Variants in ABCC3 observed in about 807,000 individuals in gnomAD.
ABCC3 encodes ATP-binding cassette sub-family C member 3.
ABCC3 carries 121 observed loss-of-function variants against 165.3 expected under a neutral mutation model. That is an observed-to-expected ratio of 0.73 (90% CI 0.63 to 0.85). The LOEUF is 0.85. Ranked by LOEUF, ABCC3 falls within the 40% of genes least tolerant of loss-of-function variation. The probability of loss-of-function intolerance (pLI) is 0.00; values close to 1 mark genes in which losing one functional copy is unlikely to be tolerated. For synonymous variants in ABCC3, 733 were observed against 810.1 expected (o/e 0.90, Z 1.62); for missense variants, 1,869 against 1,964.1 (o/e 0.95, Z 0.92).
chr17:50,685,737 T>C (rs1488670014), intron 29 of ABCC3, among the ~76,000 whole-genome samples: 2 of 152,166 alleles, frequency 1.3e-5, no homozygotes, highest in Non-Finnish European at 2.9e-5. Flanking sequence ...GACAGAGCAG[T>C]GTTAGGGTCA....
chr17:50,689,607 T>C (rs761562693), intron 30 of ABCC3, among the ~76,000 whole-genome samples: 1 of 152,154 alleles, frequency 6.6e-6, no homozygotes, highest in Non-Finnish European at 1.5e-5. Flanking sequence ...GACAGGGCAA[T>C]GGGTCAGACC....
At chr17:50,687,313 T>C in intron 29 of ABCC3, 1 of 505,896 alleles carries the variant, frequency 2.0e-6, no homozygotes, top group Non-Finnish European at 3.5e-6. Flanking sequence ...AGACCAGGGA[T>C]TTCACAATGC....
chr17:50,638,041 C>T (rs2054195483), intron 1 of ABCC3, among the ~76,000 whole-genome samples: 1 of 152,246 alleles, frequency 6.6e-6, no homozygotes, highest in South Asian at 2.1e-4. Flanking sequence ...CTCTCTCTCA[C>T]CCATATCGAC....
Position 50,667,954 on chromosome 17 carries a change from ATATCT to A in ABCC3, c.1730_1734del (p.Ile577LysfsTer34), listed in dbSNP as rs1477644906. On this transcript the variant is annotated frameshift_variant, in exon 13 of 31. Coordinates refer to ENST00000285238, the MANE Select transcript of ABCC3 (RefSeq NM_003786.4). LOFTEE classifies it high-confidence loss of function. ...GCCTTTGTGTCTGTGTCCTTGTTTA[ATATCT>A]TAAGACTTCCCCTCAACATGCTGCC... The A allele has an allele frequency of 3.1e-6, 5 of 1,614,162 alleles. No homozygotes were observed. The highest frequency in any genetic ancestry group is 4.2e-6 in the Non-Finnish European group (5 of 1,180,022).
Position 50,667,971 on chromosome 17 carries a change from C to T in ABCC3, c.1744C>T (p.Leu582Phe). The T allele has an allele frequency of 2.5e-6, 4 of 1,614,206 alleles. No individual in the cohort carries two copies. Among genetic ancestry groups the T allele is most frequent in the Non-Finnish European group, 3.4e-6 (4 of 1,180,032 alleles). Reference sequence around the variant, plus strand: ...CTTGTTTAATATCTTAAGACTTCCCCTCAACATGCTGCCCCAGTTAATCAG... The same window carrying T: ...CTTGTTTAATATCTTAAGACTTCCCTTCAACATGCTGCCCCAGTTAATCAG... ...VSLFNILRLPLNMLPQLISNL... is the reference protein window; with the variant it reads ...VSLFNILRLPFNMLPQLISNL... Residue 582 changes from leucine (L) to phenylalanine (F), a missense_variant, in exon 13 of 31, where the codon CTC (leucine) becomes TTC (phenylalanine). Coordinates refer to ENST00000285238, the MANE Select transcript of ABCC3 (RefSeq NM_003786.4).
At chr17:50,689,225 G>A (rs912210512) in intron 30 of ABCC3, among the ~76,000 whole-genome samples, 4 of 152,218 alleles carry the variant, frequency 2.6e-5, no homozygotes, top group African/African-American at 9.6e-5. Context: ...TTAAACTGCA[G>A]GTGATCCTGG....
Position 50,658,064 on chromosome 17 carries a change from C to T in ABCC3, c.487-18C>T. ...GGCTTTTCCAGTGCTTCTGACGCCCCTCCACTCTCCCACCCAGGGTGAGAT... is the reference window on the plus strand; with the variant it reads ...GGCTTTTCCAGTGCTTCTGACGCCCTTCCACTCTCCCACCCAGGGTGAGAT... On this transcript the variant is annotated intron_variant, in intron 4 of 30. Transcript: ENST00000285238. The T allele has an allele frequency of 1.9e-6, 3 of 1,614,014 alleles. No individual in the cohort carries two copies. The highest frequency in any genetic ancestry group is 2.2e-5 in the South Asian group (2 of 91,074).
chr17:50,635,679 C>A, intron 1 of ABCC3: 1 of 684,842 alleles, frequency 1.5e-6, no homozygotes, highest in Admixed American at 2.1e-5. Flanking sequence ...GAGGAAGGGA[C>A]TTGCCCAAAG....
intron 1 of ABCC3, among the ~76,000 whole-genome samples, chr17:50,644,683 G>C (rs2146591582): frequency 6.6e-6 from 1 of 152,222 alleles, no homozygotes; most frequent in Non-Finnish European, 1.5e-5. Flanking sequence ...CTGCACTCCA[G>C]CCGAGGTGAC....
rs773586596 is a variant in ABCC3, at chr17:50,667,582, G to T, written c.1460G>T (p.Arg487Leu). ...AAGCAAATGAAATTGAAGGACTCGCGCATCAAGCTGATGAGTGAGATCCTG... is the reference window on the plus strand; with the variant it reads ...AAGCAAATGAAATTGAAGGACTCGCTCATCAAGCTGATGAGTGAGATCCTG... Reference protein sequence around the residue: ...QVKQMKLKDSRIKLMSEILNG... With the variant: ...QVKQMKLKDSLIKLMSEILNG... Residue 487 changes from arginine to leucine, a missense_variant, in exon 12 of 31, where the codon CGC (arginine) becomes CTC (leucine). Arg to Leu is a moderately radical substitution (Grantham distance 102). Transcript: ENST00000285238. 5.6e-6 allele frequency: 9 copies of T among 1,611,154 alleles called. No individual in the cohort carries two copies. The highest frequency in any genetic ancestry group is 7.6e-6 in the Non-Finnish European group (9 of 1,177,502).
chr17:50,640,774 C>T (rs768336545), intron 1 of ABCC3, among the ~76,000 whole-genome samples: 3 of 152,196 alleles, frequency 2.0e-5, no homozygotes, highest in Non-Finnish European at 4.4e-5. Context: ...CCACCCTCCT[C>T]GGCCTCCCAA....
chr17:50,659,124 G>GGGAGACCCTCCTTTCT (rs887208321), intron 6 of ABCC3, 113 bp from the exon 7 acceptor site: 71 of 1,328,246 alleles, frequency 5.3e-5, no homozygotes, highest in Non-Finnish European at 6.9e-5. Flanking sequence ...CAGTGCCCGA[G>GGGAGACCCTCCTTTCT]GGAGACCCTC....
At chr17:50,641,227 C>T (rs140081563) in intron 1 of ABCC3, among the ~76,000 whole-genome samples, 78 of 152,336 alleles carry the variant, frequency 5.1e-4, no homozygotes, top group African/African-American at 1.9e-3. Context: ...CCTTATCAGC[C>T]CCATCCAGCT....
Position 50,668,025 on chromosome 17 carries a change from G to T in ABCC3, c.1782+16G>T, listed in dbSNP as rs774171842. 12 of 1,609,976 alleles carry T rather than the reference G, an allele frequency of 7.5e-6. No individual in the cohort carries two copies. The Admixed American group carries it at 2.0e-4, about 27-fold the overall frequency. The stretch of plus-strand genomic sequence containing the variant: ...CCTGACTCAGGTAACCCTGGGTAGG[G>T]CTGGGGGCTCTACTGGAGTTGGAAC... On this transcript the variant is annotated intron_variant, in intron 13 of 30. Transcript: ENST00000285238.
In ABCC3 at chr17:50,674,902, C is replaced by T. The variant is rs150774635; in HGVS notation, c.2600-460C>T. ...GCAACCTTTGCCTCCTGGGTTCAAG[C>T]GATTCTCCTGCCTCAGCCTCCCGAG... is the stretch of plus-strand genomic sequence containing the variant. On this transcript the variant is annotated intron_variant, in intron 19 of 30. Coordinates refer to ENST00000285238, the MANE Select transcript of ABCC3 (RefSeq NM_003786.4). 2.8e-3 allele frequency among the ~76,000 whole-genome samples: 426 copies of T among 150,886 alleles called. 3 individuals carry two copies. The highest frequency in any genetic ancestry group is 5.1e-3 in the Non-Finnish European group (346 of 67,822).
At chr17:50,650,657 C>T (rs1318251575) in intron 1 of ABCC3, among the ~76,000 whole-genome samples, 1 of 152,140 alleles carries the variant, frequency 6.6e-6, no homozygotes, top group African/African-American at 2.4e-5. Context: ...TTTTCCTTAG[C>T]TTCCTTTGTA....
chr17:50,679,765 T>C (rs1397027837), intron 25 of ABCC3, 33 bp from the exon 26 acceptor site: 4 of 1,591,846 alleles, frequency 2.5e-6, no homozygotes, highest in Non-Finnish European at 3.4e-6. Context: ...GGAGGGGAGA[T>C]CGCCATACGT....
Position 50,680,865 on chromosome 17 carries a change from G to A in ABCC3, c.3807+966G>A, listed in dbSNP as rs1023712148. The stretch of plus-strand genomic sequence containing the variant: ...CAAGGTGGGTGGATCTCTTGAGGTC[G>A]GGAGTTCAAAACCAGCCTGGCCAAC... On this transcript the variant is annotated intron_variant, in intron 26 of 30. Transcript: ENST00000285238. Among the ~76,000 whole-genome samples, 11 of 152,046 alleles carry A rather than the reference G, an allele frequency of 7.2e-5. No individual in the cohort carries two copies. In the South Asian group the frequency reaches 1.9e-3, roughly 26 times the overall value.
Position 50,673,098 on chromosome 17 carries a change from T to C in ABCC3, c.2369T>C (p.Phe790Ser), listed in dbSNP as rs779784976. 3.7e-6 allele frequency: 6 copies of C among 1,614,176 alleles called. No individual in the cohort carries two copies. In the South Asian group the frequency reaches 5.5e-5, roughly 15 times the overall value. The stretch of plus-strand genomic sequence containing the variant: ...GACTCTCATGTGGCCAAGCACATCT[T>C]TGACCACGTCATCGGGCCAGAAGGC... Reference protein sequence around the residue: ...AVDSHVAKHIFDHVIGPEGVL... With the variant: ...AVDSHVAKHISDHVIGPEGVL... The change falls in exon 18 of 31, where the codon TTT becomes TCT. Residue 790 changes from phenylalanine to serine, a missense_variant. By Grantham distance (155) the Phe-to-Ser change is radical (BLOSUM62 -2). Transcript: ENST00000285238.
Sources: allele counts gnomAD v4.1 joint callset (sites outside exome capture counted in the v4.1 genomes callset), GRCh38; gene constraint gnomAD v4.1.1; transcripts MANE v1.5; gene names NCBI Gene and HGNC (gene_info 2026-07-23, HGNC 2026-07-21).